NISCH: variants seen among roughly 807,000 people sequenced by gnomAD.
The protein encoded by NISCH is nischarin.
Under a neutral mutation model 138.4 loss-of-function variants are expected in NISCH, and 55 were observed. The ratio of observed to expected loss-of-function variants is 0.40; its 90% CI spans 0.32 to 0.50. NISCH has a LOEUF of 0.50. NISCH is among the 20% of genes least tolerant of loss of function. The probability of loss-of-function intolerance (pLI) is 0.71; values close to 1 mark genes in which losing one functional copy is unlikely to be tolerated. For synonymous variants in NISCH, 860 were observed against 861.5 expected (o/e 1.00, Z 0.03); for missense variants, 1,643 against 2,005.5 (o/e 0.82, Z 3.45).
At chr3:52,486,981 A>G (rs1303994792) in intron 15 of NISCH, among the ~76,000 whole-genome samples, 1 of 152,112 alleles carries the variant, frequency 6.6e-6, no homozygotes, top group Non-Finnish European at 1.5e-5. Context: ...AGAAGCATAG[A>G]CTCTGACCAA....
rs201637472 is a variant in NISCH at position 52,484,644 on chromosome 3, C to T, written c.1653+7C>T. 4.6e-5 allele frequency: 74 copies of T among 1,613,814 alleles called. No homozygotes were observed. Among genetic ancestry groups the T allele is most frequent in the East Asian group, 8.9e-5 (4 of 44,872 alleles). ...GTCCATCCCTGCGGGACAGGTAATG[C>T]CCTCTTCCCGCTTCTGGGGACCATA... On this transcript the variant is annotated splice_region_variant and intron_variant, in intron 14 of 20. Transcript: ENST00000345716.
chr3:52,479,868 T>G lies in NISCH; in HGVS notation c.1416+6T>G. On this transcript the variant is annotated splice_donor_region_variant and intron_variant, in intron 12 of 20. Transcript: ENST00000345716. ...TGAGCAACCCAGAGAAGAAGGTGGG[T>G]TTGTGTGGCAGGTGGGAGGGCAGTG... 1 of 1,607,152 alleles carries G rather than the reference T, an allele frequency of 6.2e-7. No homozygotes were observed. The highest frequency in any genetic ancestry group is 8.5e-7 in the Non-Finnish European group (1 of 1,175,060).
Position 52,491,463 on chromosome 3 carries a change from C to T in NISCH, c.3854C>T (p.Pro1285Leu), listed in dbSNP as rs978679059. The change falls in exon 20 of 21, where the codon CCG becomes CTG. Residue 1285 changes from proline to leucine, a missense_variant. Coordinates refer to ENST00000345716, the MANE Select transcript of NISCH (RefSeq NM_007184.4). ...TCCTCTCTGGAACGCACGCCCTCGC[C>T]GGAGCCTGTTGACAAGGACTTCTAC... ...VLSSLERTPS[P>L]EPVDKDFYSE... is the part of the protein sequence containing the mutation. 5.6e-6 allele frequency: 9 copies of T among 1,613,296 alleles called. No individual in the cohort carries two copies. Among genetic ancestry groups the T allele is most frequent in the Non-Finnish European group, 7.6e-6 (9 of 1,179,952 alleles).
At chr3:52,470,639 T>G (rs1706917823) in intron 3 of NISCH, 1 of 594,442 alleles carries the variant, frequency 1.7e-6, no homozygotes, top group East Asian at 2.8e-5. Context: ...CTGATTTCCC[T>G]TCTGCTTTGG....
At chr3:52,480,640 G>A (rs1707245307) in intron 13 of NISCH, 1 of 1,424,496 alleles carries the variant, frequency 7.0e-7, no homozygotes, top group Admixed American at 3.0e-5. Context: ...GCACAAGCAG[G>A]TTGGCTCCTG....
chr3:52,463,714 CTTTTTTT>C (rs71084184), intron 3 of NISCH, among the ~76,000 whole-genome samples: 1 of 41,402 alleles, frequency 2.4e-5, no homozygotes, highest in African/African-American at 1.2e-4. Flanking sequence ...TATTGAACCT[CTTTTTTT>C]TTTTTTTTTT....
At chr3:52,475,660 G>C (rs1459544360) in intron 7 of NISCH, 1 of 152,022 alleles carries the variant, frequency 6.6e-6, no homozygotes, top group Non-Finnish European at 1.5e-5. Context: ...GGCTATGTAG[G>C]GAGACCTCGT....
intron 7 of NISCH, among the ~76,000 whole-genome samples, chr3:52,475,073 T>G (rs1253485342): frequency 6.6e-6 from 1 of 152,134 alleles, no homozygotes; most frequent in East Asian, 1.9e-4. Context: ...GACTTAGGTT[T>G]GGGCCAGGTG....
chr3:52,490,766 C>G lies in NISCH; in HGVS notation c.3675C>G (p.Phe1225Leu), dbSNP rs370062594. The G allele has an allele frequency of 6.2e-7, 1 of 1,614,220 alleles. No individual in the cohort carries two copies. Among genetic ancestry groups the G allele is most frequent in the Non-Finnish European group, 8.5e-7 (1 of 1,180,040 alleles). Reference protein sequence around the residue: ...NNSPFHISQCFVLKLSDLQSV... With the variant: ...NNSPFHISQCLVLKLSDLQSV... ...GCCCTTTCCACATCTCCCAGTGCTT[C>G]GTGCTAAAGCTTAGTGACCTGCAGT... Residue 1225 changes from phenylalanine (F) to leucine (L), a missense_variant, in exon 19 of 21, where the codon TTC becomes TTG. Transcript: ENST00000345716.
chr3:52,471,045 G>A (rs1706932145), intron 4 of NISCH, 138 bp downstream of exon 4: 1 of 813,188 alleles, frequency 1.2e-6, no homozygotes, highest in Non-Finnish European at 2.1e-6. Flanking sequence ...AGGAGCTGTG[G>A]TCCTTCAGTA....
Position 52,487,547 on chromosome 3 carries a change from G to A in NISCH, c.2055G>A (p.Glu685=). The change falls in exon 16 of 21, where the codon GAG becomes GAA. Residue 685 remains glutamate (E), a synonymous_variant. Transcript: ENST00000345716. This position sits in a 1 kb window ranked among gnomAD's most constrained non-coding sequence, Gnocchi z 9.1. The part of the protein sequence containing the change: ...EEEEEDEEAE[E]ERLALEWALG... ...AAGAGGAGGATGAAGAGGCCGAGGA[G>A]GAGCGCCTGGCTCTGGAATGGGCCC... 6.2e-7 allele frequency: 1 copy of A among 1,610,152 alleles called. No individual in the cohort carries two copies. Among genetic ancestry groups the A allele is most frequent in the Non-Finnish European group, 8.5e-7 (1 of 1,177,026 alleles).
chr3:52,466,563 C>A (rs1169303695), intron 3 of NISCH, among the ~76,000 whole-genome samples: 2 of 122,644 alleles, frequency 1.6e-5, no homozygotes, highest in African/African-American at 3.1e-5. Context: ...GACTCCATCT[C>A]AAAAAAAAAA....
At chr3:52,461,883 T>C (rs1706644789) in intron 3 of NISCH, among the ~76,000 whole-genome samples, 1 of 149,204 alleles carries the variant, frequency 6.7e-6, no homozygotes, top group African/African-American at 2.5e-5. Flanking sequence ...AAAAAAGAAA[T>C]ATTGTATTTT....
chr3:52,490,830 A>T lies in NISCH; in HGVS notation c.3739A>T (p.Thr1247Ser). The change falls in exon 19 of 21, where the codon ACG becomes TCG. Residue 1247 changes from threonine (T) to serine (S), a missense_variant. By Grantham distance (58) the Thr-to-Ser change is moderately conservative (BLOSUM62 1). Coordinates refer to ENST00000345716, the MANE Select transcript of NISCH (RefSeq NM_007184.4). Reference sequence around the variant, plus strand: ...GCTTTTCGACCAGCATTTCCGGCTGACGGGTGGGTGACCCTCTGTGCTTTG... The same window carrying T: ...GCTTTTCGACCAGCATTTCCGGCTGTCGGGTGGGTGACCCTCTGTGCTTTG... ...VGLFDQHFRL[T>S]GSTPMQVVTC... The T allele has an allele frequency of 6.2e-7, 1 of 1,614,086 alleles. No individual in the cohort carries two copies. Among genetic ancestry groups the T allele is most frequent in the Non-Finnish European group, 8.5e-7 (1 of 1,179,960 alleles).
intron 1 of NISCH, 83 bp from the exon 2 acceptor site, chr3:52,457,760 T>A (rs1160548596): frequency 5.1e-6 from 5 of 980,342 alleles, no homozygotes; most frequent in Non-Finnish European, 8.2e-6. Flanking sequence ...TTGGGAAAGA[T>A]AATTGCAGCT....
rs774457818 is a variant in NISCH, at chr3:52,478,267, C to T, written c.1158C>T (p.Asp386=). 2 of 1,614,060 alleles carry T rather than the reference C, an allele frequency of 1.2e-6. No individual in the cohort carries two copies. The highest frequency in any genetic ancestry group is 1.7e-6 in the Non-Finnish European group (2 of 1,179,964). Residue 386 remains aspartate (D), a synonymous_variant, in exon 10 of 21, where the codon GAC becomes GAT. Coordinates refer to ENST00000345716, the MANE Select transcript of NISCH (RefSeq NM_007184.4). ...CACTGGTCAACCTGGATCTCCGGGA[C>T]AACAGGATCGAACAGGTGAGCCCAA... is the stretch of plus-strand genomic sequence containing the variant. ...LYSLVNLDLR[D]NRIEQMEEVR...
chr3:52,477,975 G>A, intron 9 of NISCH, 122 bp from the exon 10 acceptor site: 1 of 1,009,408 alleles, frequency 9.9e-7, no homozygotes, highest in South Asian at 1.5e-5. Context: ...TAAAATAACT[G>A]TCAGAGTGAC....
In NISCH at chr3:52,466,999, C is replaced by CTTT. The variant is rs11457136; in HGVS notation, c.361-3844_361-3842dup. 2.1e-3 allele frequency among the ~76,000 whole-genome samples: 262 copies of CTTT among 122,730 alleles called. 5 individuals carry two copies. The highest frequency in any genetic ancestry group is 6.7e-3 in the African/African-American group (218 of 32,368). 80.5% of individuals were successfully genotyped at this position (122,730 alleles called of 152,430 possible). On this transcript the variant is annotated intron_variant, in intron 3 of 20. Coordinates refer to ENST00000345716, the MANE Select transcript of NISCH (RefSeq NM_007184.4). The stretch of plus-strand genomic sequence containing the variant: ...CATAGCTGACACTAAGTTTCTTTTT[C>CTTT]TTTTTTTTTTTTTTTTTTGAGACAG...
rs572251412 is a variant in NISCH, at chr3:52,492,071, G to A, written c.4104G>A (p.Leu1368=). The change falls in exon 21 of 21, where the codon CTG becomes CTA. Residue 1368 remains leucine (L), a synonymous_variant. Transcript: ENST00000345716. The part of the protein sequence containing the change: ...MPPPGCCRGP[L]RPKTLLLTSS... ...CCCCTGGGTGCTGCAGGGGCCCCCT[G>A]CGCCCCAAGACACTCCTGCTCACCA... The A allele has an allele frequency of 3.1e-6, 5 of 1,613,084 alleles. No homozygotes were observed. In the Admixed American group the frequency reaches 6.7e-5, roughly 21 times the overall value.
Sources: allele counts gnomAD v4.1 joint callset (sites outside exome capture counted in the v4.1 genomes callset), GRCh38; gene constraint gnomAD v4.1.1; non-coding constraint Gnocchi (gnomAD v3.1); transcripts MANE v1.5; gene names NCBI Gene and HGNC (gene_info 2026-07-23, HGNC 2026-07-21).